Variants in LGSN observed in about 807,000 individuals in gnomAD.
LGSN encodes the protein lengsin, lens protein with glutamine synthetase domain.
LGSN carries 21 observed loss-of-function variants against 19.5 expected under a neutral mutation model. That is an observed-to-expected ratio of 1.07 (90% CI 0.76 to 1.55). LGSN has a LOEUF of 1.55. LGSN is among the 40% of genes most tolerant of loss of function. LGSN has a pLI of 0.00. For synonymous variants in LGSN, 257 were observed against 215.6 expected (o/e 1.19, Z -1.68); for missense variants, 673 against 608.5 (o/e 1.11, Z -1.12).
the LGSN span, among the ~76,000 whole-genome samples, chr6:63,344,623 C>CAGAATGGTGGACATTGTA: frequency 6.6e-6 from 1 of 151,854 alleles, no homozygotes; most frequent in Non-Finnish European, 1.5e-5. Context: ...AGAGATTCTT[C>CAGAATGGTGGACATTGTA]AGAATGGTGG....
At chr6:63,546,083 T>C in the LGSN span, among the ~76,000 whole-genome samples, 1 of 152,166 alleles carries the variant, frequency 6.6e-6, no homozygotes, top group East Asian at 1.9e-4. Flanking sequence ...CCTTGATCCA[T>C]GCAGCATCAT....
At chr6:63,539,954 A>G in the LGSN span, among the ~76,000 whole-genome samples, 9 of 152,328 alleles carry the variant, frequency 5.9e-5, no homozygotes, top group Middle Eastern at 3.4e-3. Flanking sequence ...GATAATGCCA[A>G]GTGTTGGAGG....
chr6:63,464,377 T>G, the LGSN span, among the ~76,000 whole-genome samples: 1 of 152,094 alleles, frequency 6.6e-6, no homozygotes, highest in African/African-American at 2.4e-5. Context: ...CTTTCTCTAT[T>G]ACAGGCTAAT....
the LGSN span, among the ~76,000 whole-genome samples, chr6:63,422,967 A>C: frequency 6.6e-6 from 1 of 152,346 alleles, no homozygotes. Context: ...TCCTATTTAT[A>C]AGAATAAATA....
the LGSN span, among the ~76,000 whole-genome samples, chr6:63,518,415 T>G: frequency 6.6e-6 from 1 of 152,094 alleles, no homozygotes; most frequent in Admixed American, 6.6e-5. Flanking sequence ...AACTAAAAAA[T>G]TATCATTTTG....
chr6:63,456,611 T>C, the LGSN span, among the ~76,000 whole-genome samples: 3 of 151,926 alleles, frequency 2.0e-5, no homozygotes, highest in African/African-American at 7.3e-5. Context: ...TTGTGCTCCC[T>C]GGAATATACC....
the LGSN span, among the ~76,000 whole-genome samples, chr6:63,551,158 C>CAG: frequency 6.6e-6 from 1 of 151,994 alleles, no homozygotes; most frequent in Non-Finnish European, 1.5e-5. Context: ...CTCTGCTTTC[C>CAG]AGGTTCAAGT....
chr6:63,412,874 G>GAGAA, the LGSN span, among the ~76,000 whole-genome samples: 14,808 of 144,668 alleles, frequency 0.1, 1,687 homozygotes, highest in African/African-American at 0.28. Context: ...GTAAGAGAAA[G>GAGAA]AGAAAGAAAG....
the LGSN span, among the ~76,000 whole-genome samples, chr6:63,486,264 G>A: frequency 3.9e-5 from 6 of 152,192 alleles, no homozygotes; most frequent in South Asian, 1.0e-3. Context: ...CTACAAAGTT[G>A]AAAGCATAGA....
At chr6:63,441,835 G>A in the LGSN span, 23 of 303,006 alleles carry the variant, frequency 7.6e-5, no homozygotes, top group African/African-American at 4.1e-4. Context: ...TTTGTGCAGC[G>A]GGGGCGCTGG....
the LGSN span, among the ~76,000 whole-genome samples, chr6:63,325,662 G>T: frequency 6.6e-6 from 1 of 152,184 alleles, no homozygotes; most frequent in South Asian, 2.1e-4. Flanking sequence ...GACCCTCACG[G>T]TGAGTGTTAC....
At chr6:63,561,930 A>G in the LGSN span, among the ~76,000 whole-genome samples, 1 of 152,154 alleles carries the variant, frequency 6.6e-6, no homozygotes, top group Non-Finnish European at 1.5e-5. Context: ...AAGGCTACAG[A>G]CCTATCGGTG....
chr6:63,369,005 G>A, the LGSN span, among the ~76,000 whole-genome samples: 4 of 152,100 alleles, frequency 2.6e-5, no homozygotes, highest in African/African-American at 9.7e-5. Context: ...CCTTCACATT[G>A]GTGCTGCTCA....
At chr6:63,555,390 A>G in the LGSN span, among the ~76,000 whole-genome samples, 1 of 152,216 alleles carries the variant, frequency 6.6e-6, no homozygotes, top group African/African-American at 2.4e-5. Context: ...GACTAATAGG[A>G]AGGAAAATCC....
intron 1 of LGSN, among the ~76,000 whole-genome samples, chr6:63,301,413 A>G (rs1768179999): frequency 1.3e-5 from 2 of 152,158 alleles, no homozygotes; most frequent in South Asian, 4.1e-4. Context: ...TGTCTAGTTT[A>G]GAGGTTATTT....
chr6:63,394,092 A>G, the LGSN span, among the ~76,000 whole-genome samples: 2 of 152,064 alleles, frequency 1.3e-5, no homozygotes, highest in Non-Finnish European at 2.9e-5. Context: ...ACATGGCGAA[A>G]CCTGTCTCCA....
At chr6:63,512,346 G>A in the LGSN span, among the ~76,000 whole-genome samples, 18 of 152,174 alleles carry the variant, frequency 1.2e-4, no homozygotes, top group Non-Finnish European at 2.4e-4. Context: ...GCCTCCCAAA[G>A]TGCTGGGATT....
the LGSN span, among the ~76,000 whole-genome samples, chr6:63,419,707 GGT>G: frequency 1.3e-5 from 2 of 150,738 alleles, no homozygotes; most frequent in African/African-American, 4.9e-5. Context: ...TGGTCAACAT[GGT>G]GAAACCCGTC....
the LGSN span, among the ~76,000 whole-genome samples, chr6:63,342,828 G>T: frequency 6.6e-6 from 1 of 152,194 alleles, no homozygotes; most frequent in Non-Finnish European, 1.5e-5. Flanking sequence ...GCCTATGTCA[G>T]CTTGATTGTG....
Sources: gnomAD v4.1 joint callset for allele counts (sites outside exome capture counted in the v4.1 genomes callset) on GRCh38, gnomAD v4.1.1 for gene constraint, MANE v1.5 for transcripts, NCBI Gene and HGNC (gene_info 2026-07-23, HGNC 2026-07-21) for gene names.